The following PFKFB1 variants were observed in gnomAD, a reference collection of about 807,000 sequenced individuals.
The protein encoded by PFKFB1 is 6-phosphofructo-2-kinase/fructose-2,6-biphosphatase 1.
A neutral mutation model predicts 46.4 loss-of-function variants in PFKFB1; 34 were observed. The observed-to-expected ratio is 0.73, with a 90% confidence interval of 0.56 to 0.98. The LOEUF (loss-of-function observed/expected upper bound fraction) is 0.98. PFKFB1 is among the 50% of genes least tolerant of loss of function. The pLI is 0.00. For missense variants in PFKFB1, 393 were observed against 376.3 expected (o/e 1.04, Z -0.37); for synonymous variants, 119 against 133.8 (o/e 0.89, Z 0.76).
chrX:54,965,106 T>G (rs1441909659), intron 1 of PFKFB1, among the ~76,000 whole-genome samples: 2 of 111,587 alleles, frequency 1.8e-5, no homozygotes, highest in Non-Finnish European at 1.9e-5. Context: ...GAAGAAAGAA[T>G]AAGGCAGAAG....
intron 7 of PFKFB1, among the ~76,000 whole-genome samples, chrX:54,953,178 A>G (rs1316081028): frequency 9.0e-6 from 1 of 111,708 alleles, no homozygotes; most frequent in Non-Finnish European, 1.9e-5. Flanking sequence ...CCCTGGGAAG[A>G]GGAGTGGAAG....
At chrX:54,974,485 G>C (rs1187352065) in intron 1 of PFKFB1, among the ~76,000 whole-genome samples, 1 of 111,438 alleles carries the variant, frequency 9.0e-6, no homozygotes, top group Non-Finnish European at 1.9e-5. Context: ...CCTCAGACCT[G>C]AAATCATAAA....
rs1484785091 is a variant in PFKFB1 at position 54,958,291 on chromosome X, A to G, written c.516+15T>C. The G allele has an allele frequency of 8.7e-7, 1 of 1,144,204 alleles. No individual in the cohort carries two copies. The highest frequency in any genetic ancestry group is 2.2e-5 in the Admixed American group (1 of 45,522). 94.3% of individuals were successfully genotyped at this position (1,144,204 alleles called of 1,213,427 possible). A position where few individuals can be genotyped will look rare whatever the true frequency, so the allele number is the denominator to read the frequency against. On this transcript the variant is annotated intron_variant, in intron 6 of 13. Transcript: ENST00000375006. ...TAAGGCAGAGCAAAGTGGAAAAGTA[A>G]CTGGTGGTCCTTACCCTGATGTTTT...
At chrX:54,971,945 T>C (rs1397831709) in intron 1 of PFKFB1, among the ~76,000 whole-genome samples, 3 of 111,557 alleles carry the variant, frequency 2.7e-5, no homozygotes, top group Non-Finnish European at 5.7e-5. Context: ...GCCATCTTCA[T>C]GATATTGATT....
chrX:54,939,570 G>T (rs376738524), intron 10 of PFKFB1, among the ~76,000 whole-genome samples: 2 of 111,501 alleles, frequency 1.8e-5, no homozygotes, highest in Non-Finnish European at 3.8e-5. Context: ...TATCACCACC[G>T]ATCCCACAGA....
intron 10 of PFKFB1, among the ~76,000 whole-genome samples, chrX:54,938,872 G>A (rs766756621): frequency 1.3e-3 from 147 of 111,516 alleles, no homozygotes; most frequent in African/African-American, 4.6e-3. Context: ...ATTGAACTCA[G>A]CTCTGCACCA....
Position 54,972,122 on chromosome X carries a change from T to G in PFKFB1, c.98-8740A>C, listed in dbSNP as rs770764323. On this transcript the variant is annotated intron_variant, in intron 1 of 13. Coordinates refer to ENST00000375006, the MANE Select transcript of PFKFB1 (RefSeq NM_002625.4). Reference sequence around the variant, plus strand: ...GCAATTGTGAATGGGAGTTCACTCATGATTTGGCTCTCTGTTTGTCTGTTA... The same window carrying G: ...GCAATTGTGAATGGGAGTTCACTCAGGATTTGGCTCTCTGTTTGTCTGTTA... 8.7e-4 allele frequency among the ~76,000 whole-genome samples: 96 copies of G among 110,654 alleles called. 1 individual carries two copies. The East Asian group carries it at 0.023, about 26-fold the overall frequency.
intron 2 of PFKFB1, among the ~76,000 whole-genome samples, chrX:54,962,220 T>C (rs1195569203): frequency 9.0e-6 from 1 of 111,632 alleles, no homozygotes; most frequent in Non-Finnish European, 1.9e-5. Context: ...TCAGCAGATT[T>C]TCCTGAGAGC....
chrX:54,961,524 A>G (rs1934315154), intron 2 of PFKFB1, among the ~76,000 whole-genome samples: 1 of 112,115 alleles, frequency 8.9e-6, no homozygotes. Flanking sequence ...AAGCAGCCAA[A>G]GAGTTAATAT....
intron 9 of PFKFB1, among the ~76,000 whole-genome samples, chrX:54,947,562 T>C (rs970405127): frequency 8.9e-6 from 1 of 112,457 alleles, no homozygotes; most frequent in African/African-American, 3.2e-5. Context: ...TAACTATGTG[T>C]ATTTCTGTAC....
intron 1 of PFKFB1, among the ~76,000 whole-genome samples, chrX:54,993,614 C>T (rs751579003): frequency 8.9e-6 from 1 of 112,179 alleles, no homozygotes; most frequent in Admixed American, 9.4e-5. Context: ...ATCTTAAATT[C>T]CAAACAAGAA....
At chrX:54,994,304 G>C (rs544702231), upstream of PFKFB1, 3 of 751,908 alleles carry the variant, frequency 4.0e-6, no homozygotes, top group South Asian at 2.1e-4. Flanking sequence ...TACATAGGAG[G>C]TAAGTTGGAG....
At chrX:54,972,267 A>G in intron 1 of PFKFB1, among the ~76,000 whole-genome samples, 1 of 110,364 alleles carries the variant, frequency 9.1e-6, no homozygotes, top group South Asian at 3.9e-4. Flanking sequence ...CTAGATATAC[A>G]ATCATGTCGT....
rs773653618 is a variant in PFKFB1 at position 54,958,148 on chromosome X, G to A, written c.516+158C>T. On this transcript the variant is annotated intron_variant, in intron 6 of 13. Coordinates refer to ENST00000375006, the MANE Select transcript of PFKFB1 (RefSeq NM_002625.4). ...AATTAATAGAGTCATTGTAAGCCAG[G>A]ATGGTTAGGGAATGCTTCCTATGAA... Among the ~76,000 whole-genome samples the A allele has an allele frequency of 3.6e-5, 4 of 111,668 alleles. No individual in the cohort carries two copies. In the South Asian group the frequency reaches 1.1e-3, roughly 32 times the overall value.
chrX:54,984,852 G>C (rs756001477), intron 1 of PFKFB1, among the ~76,000 whole-genome samples: 29 of 110,889 alleles, frequency 2.6e-4, no homozygotes, highest in African/African-American at 8.2e-4. Flanking sequence ...TTTACTCATA[G>C]AATGGAGGCT....
At chrX:54,950,881 T>C (rs1933951350) in intron 8 of PFKFB1, among the ~76,000 whole-genome samples, 1 of 112,635 alleles carries the variant, frequency 8.9e-6, no homozygotes, top group Non-Finnish European at 1.9e-5. Context: ...GGCAGGCCAG[T>C]AGGCCCGGCT....
chrX:54,946,631 C>T (rs999686572), intron 9 of PFKFB1, among the ~76,000 whole-genome samples: 4 of 111,699 alleles, frequency 3.6e-5, no homozygotes, highest in Non-Finnish European at 7.5e-5. Context: ...ACTGGGTACA[C>T]GAGGTCGTTC....
At chrX:54,998,380 C>T (rs1047204285), upstream of PFKFB1, 12 of 1,132,075 alleles carry the variant, frequency 1.1e-5, no homozygotes, top group Non-Finnish European at 1.4e-5. Context: ...GCAACTCCTG[C>T]CTACTTTCCC....
At chrX:54,983,435 G>C (rs1026774028) in intron 1 of PFKFB1, among the ~76,000 whole-genome samples, 2 of 111,604 alleles carry the variant, frequency 1.8e-5, no homozygotes, top group African/African-American at 3.3e-5. Flanking sequence ...TTGGTTTTCT[G>C]TTCCTTTTAG....
Sources: gnomAD v4.1 joint callset for allele counts (sites outside exome capture counted in the v4.1 genomes callset) on GRCh38, gnomAD v4.1.1 for gene constraint, MANE v1.5 for transcripts, NCBI Gene and HGNC (gene_info 2026-07-23, HGNC 2026-07-21) for gene names.